Variants in UBR2 observed in about 807,000 individuals in gnomAD.
UBR2 encodes the protein E3 ubiquitin-protein ligase UBR2.
UBR2 carries 92 observed loss-of-function variants against 247.9 expected under a neutral mutation model. The observed-to-expected ratio is 0.37, with a 90% CI of 0.31 to 0.44. The LOEUF is 0.44. UBR2 is among the 20% of genes least tolerant of loss of function. UBR2 has a pLI of 1.00. For missense variants in UBR2, 1,613 were observed against 2,112.6 expected (o/e 0.76, Z 4.64); for synonymous variants, 672 against 693.5 (o/e 0.97, Z 0.49).
intron 20 of UBR2, 131 bp downstream of exon 20, chr6:42,644,667 A>G (rs760853819): frequency 9.5e-5 from 68 of 713,178 alleles, no homozygotes; most frequent in Non-Finnish European, 1.3e-4. Context: ...GAATTGGAAT[A>G]TTTCTCTTTT....
At chr6:42,598,578 A>G (rs1276959898) in intron 4 of UBR2, among the ~76,000 whole-genome samples, 1 of 152,156 alleles carries the variant, frequency 6.6e-6, no homozygotes, top group East Asian at 1.9e-4. Context: ...GGGGTGTGGG[A>G]GTGAGTAGGG....
intron 11 of UBR2, among the ~76,000 whole-genome samples, chr6:42,631,441 CT>C (rs1052242382): frequency 2.0e-5 from 3 of 152,144 alleles, no homozygotes; most frequent in African/African-American, 7.2e-5. Flanking sequence ...TGTTGAGCCT[CT>C]TTGTGGAAAC....
intron 22 of UBR2, among the ~76,000 whole-genome samples, chr6:42,649,683 T>C (rs1796995523): frequency 1.3e-5 from 2 of 152,200 alleles, no homozygotes; most frequent in Non-Finnish European, 2.9e-5. Context: ...TGGCCGTTTA[T>C]TTTTTCATAC....
chr6:42,608,207 A>C (rs550315201), intron 7 of UBR2, among the ~76,000 whole-genome samples: 3 of 152,118 alleles, frequency 2.0e-5, no homozygotes, highest in Non-Finnish European at 4.4e-5. Flanking sequence ...GCTTTACTAG[A>C]TTTTGCCTAG....
chr6:42,635,377 T>C (rs1260992636), intron 13 of UBR2, 41 bp from the exon 14 acceptor site: 1 of 1,585,322 alleles, frequency 6.3e-7, no homozygotes, highest in African/African-American at 1.3e-5. Context: ...AAAGAACAAC[T>C]ATTATTTTCA....
intron 10 of UBR2, 104 bp from the exon 11 acceptor site, chr6:42,617,305 T>A (rs1408684651): frequency 6.2e-7 from 1 of 1,614,038 alleles, no homozygotes; most frequent in African/African-American, 1.3e-5. Flanking sequence ...CGGTGACTGC[T>A]CTATCTGTCC....
Position 42,676,004 on chromosome 6 carries a change from T to C in UBR2, c.4252-52T>C, listed in dbSNP as rs1385380603. 7.2e-6 allele frequency: 11 copies of C among 1,518,684 alleles called. No homozygotes were observed. In the Admixed American group the frequency reaches 2.4e-4, roughly 33 times the overall value. The allele number at this position is 1,518,684 out of a possible 1,614,324, so 94.1% of individuals were successfully genotyped here. A position where few individuals can be genotyped will look rare whatever the true frequency, so the allele number is the denominator to read the frequency against. ...TAAAAGTAAGAAGATGGAAATTTGC[T>C]TAGCTGTGAAAGGAAAGGCGATCTG... On this transcript the variant is annotated intron_variant, in intron 38 of 46. Coordinates refer to ENST00000372901, the MANE Select transcript of UBR2 (RefSeq NM_001363705.2).
intron 32 of UBR2, 33 bp from the exon 33 acceptor site, chr6:42,665,375 TA>T: frequency 6.7e-7 from 1 of 1,499,500 alleles, no homozygotes; most frequent in Non-Finnish European, 9.2e-7. Flanking sequence ...GGAACAATAA[TA>T]AAACACTAAA....
At position 42,617,477 on chromosome 6, in the gene UBR2, C is replaced by T. The variant is rs1321047913; in HGVS notation, c.1251C>T (p.Leu417=). 2 of 1,553,222 alleles carry T rather than the reference C, an allele frequency of 1.3e-6. No individual in the cohort carries two copies. The highest frequency in any genetic ancestry group is 1.7e-6 in the Non-Finnish European group (2 of 1,147,840). The change falls in exon 11 of 47, where the codon CTC becomes CTT. Residue 417 remains leucine, a synonymous_variant. Coordinates refer to ENST00000372901, the MANE Select transcript of UBR2 (RefSeq NM_001363705.2). ...ACAGAGAGTTTTCAGTCGCAGACCT[C>T]TCGGTTCAGATATTCACGGTTCCTT... The part of the protein sequence containing the change: ...DHDREFSVAD[L]SVQIFTVPSL...
At chr6:42,654,419 A>T (rs938096148) in intron 25 of UBR2, among the ~76,000 whole-genome samples, 1 of 152,082 alleles carries the variant, frequency 6.6e-6, no homozygotes, top group Non-Finnish European at 1.5e-5. Flanking sequence ...TCACACACAT[A>T]TCTCCTTCAA....
In UBR2 at chr6:42,606,727, ATG is replaced by A. The variant is rs1249191956; in HGVS notation, c.864+78_864+79del. 4 of 1,267,058 alleles carry A rather than the reference ATG, an allele frequency of 3.2e-6. No homozygotes were observed. The African/African-American group carries it at 6.1e-5, about 19-fold the overall frequency. 78.5% of individuals were successfully genotyped at this position (1,267,058 alleles called of 1,614,324 possible). Reference sequence around the variant, plus strand: ...GCTTCATATTTCAGCATTTATGAACATGTCTTTCTGCTTTCTCAAATGAAAAC... The same window carrying A: ...GCTTCATATTTCAGCATTTATGAACATCTTTCTGCTTTCTCAAATGAAAAC... On this transcript the variant is annotated intron_variant, in intron 7 of 46. Coordinates refer to ENST00000372901, the MANE Select transcript of UBR2 (RefSeq NM_001363705.2).
intron 2 of UBR2, among the ~76,000 whole-genome samples, chr6:42,576,173 T>C (rs569998268): frequency 1.7e-4 from 26 of 152,282 alleles, no homozygotes; most frequent in South Asian, 1.2e-3. Flanking sequence ...TAAGATGGTA[T>C]GTGTGCATGT....
rs777836705 is a variant in UBR2, at chr6:42,617,223, TC to T, written c.1183-181del. On this transcript the variant is annotated intron_variant, in intron 10 of 46. Coordinates refer to ENST00000372901, the MANE Select transcript of UBR2 (RefSeq NM_001363705.2). ...GGTCATTGTGGATTAGAGGTGAATC[TC>T]CCCCTTGTTGTTTAGAATTACCAGC... The T allele has an allele frequency of 1.9e-6, 3 of 1,611,422 alleles. No individual in the cohort carries two copies. The Admixed American group carries it at 5.0e-5, about 27-fold the overall frequency.
chr6:42,619,430 TATATATATATATATATA>T lies in UBR2; in HGVS notation c.1281+1924_1281+1940del, dbSNP rs1216411507. ...TTATGAACATATATATATATATATA[TATATATATATATATATA>T]TATATATTTTTTTTTTTTAGTTCTC... On this transcript the variant is annotated intron_variant, in intron 11 of 46. Transcript: ENST00000372901. The T allele has an allele frequency of 9.9e-4, 18 of 18,168 alleles. 1 individual carries two copies. The highest frequency in any genetic ancestry group is 2.2e-3 in the East Asian group (1 of 452). 1.1% of individuals were successfully genotyped at this position (18,168 alleles called of 1,614,324 possible). A position where few individuals can be genotyped will look rare whatever the true frequency, so the allele number is the denominator to read the frequency against.
At chr6:42,616,954 C>T (rs1325045400) in intron 10 of UBR2, among the ~76,000 whole-genome samples, 2 of 152,174 alleles carry the variant, frequency 1.3e-5, no homozygotes. Context: ...TGTGGTTTAG[C>T]TCCACCAGCA....
At chr6:42,600,366 A>G (rs978725918) in intron 4 of UBR2, among the ~76,000 whole-genome samples, 2 of 152,154 alleles carry the variant, frequency 1.3e-5, no homozygotes, top group African/African-American at 2.4e-5. Flanking sequence ...ATTATTAGTA[A>G]TAATAGATAA....
chr6:42,663,126 A>T (rs1797915184), intron 31 of UBR2, 132 bp from the exon 32 acceptor site: 4 of 740,184 alleles, frequency 5.4e-6, no homozygotes, highest in Non-Finnish European at 7.7e-6. Context: ...AAATCATGTT[A>T]AAAATAATTT....
At position 42,691,129 on chromosome 6, in the gene UBR2, G is replaced by A. The variant is rs1799730223; in HGVS notation, c.5224G>A (p.Glu1742Lys). 1 of 1,614,010 alleles carries A rather than the reference G, an allele frequency of 6.2e-7. No individual in the cohort carries two copies. Among genetic ancestry groups the A allele is most frequent in the Non-Finnish European group, 8.5e-7 (1 of 1,180,032 alleles). Reference sequence around the variant, plus strand: ...CACAGAGGAAATTGGACATGCACAGGAAGCCAATCAGACACTGGTTGGCAT... The same window carrying A: ...CACAGAGGAAATTGGACATGCACAGAAAGCCAATCAGACACTGGTTGGCAT... ...SVTEEIGHAQ[E>K]ANQTLVGIDW... is the part of the protein sequence containing the mutation. The change falls in exon 47 of 47, where the codon GAA becomes AAA. Residue 1742 changes from glutamate to lysine, a missense_variant. By Grantham distance (56) the Glu-to-Lys change is moderately conservative. Coordinates refer to ENST00000372901, the MANE Select transcript of UBR2 (RefSeq NM_001363705.2).
rs1411132088 is a variant in UBR2, at chr6:42,641,653, C to T, written c.1992C>T (p.Ala664=). The T allele has an allele frequency of 9.9e-6, 16 of 1,608,608 alleles. No homozygotes were observed. Among genetic ancestry groups the T allele is most frequent in the African/African-American group, 1.3e-5 (1 of 74,318 alleles). Residue 664 remains alanine (A), a synonymous_variant, in exon 17 of 47, where the codon GCC becomes GCT. Transcript: ENST00000372901. The part of the protein sequence containing the change: ...RCLVLCAQVH[A]GMWRRNGFSL... ...TTGTTCTGTGTGCCCAAGTACATGC[C>T]GGAATGTGGAGAAGAAATGGGTTCT...
Sources: allele counts gnomAD v4.1 joint callset (sites outside exome capture counted in the v4.1 genomes callset), GRCh38; gene constraint gnomAD v4.1.1; transcripts MANE v1.5; gene names NCBI Gene and HGNC (gene_info 2026-07-23, HGNC 2026-07-21).